TTC7B: variants seen among roughly 807,000 people sequenced by gnomAD.
TTC7B encodes the protein tetratricopeptide repeat domain 7B.
TTC7B carries 28 observed loss-of-function variants against 106.8 expected under a neutral mutation model. That is an observed-to-expected ratio of 0.26 (90% CI 0.19 to 0.36). The LOEUF is 0.36. Ranked by LOEUF, TTC7B falls within the 10% of genes least tolerant of loss-of-function variation. The pLI, the probability that TTC7B is intolerant of heterozygous loss-of-function variation, is 1.00. For synonymous variants in TTC7B, 405 were observed against 430.6 expected (o/e 0.94, Z 0.74); for missense variants, 862 against 1,076.4 (o/e 0.80, Z 2.79).
rs1177435911 is a variant in TTC7B at position 90,694,679 on chromosome 14, T to TTTTATTTTATTATAAAA, written c.777+804_777+820dup. ...ATATTTATTATAAATATATGTATATTTTTATTTTATTATAAAATATATTTT... is the reference window on the plus strand; with the variant it reads ...ATATTTATTATAAATATATGTATATTTTTATTTTATTATAAAATTTATTTTATTATAAAATATATTTT... On this transcript the variant is annotated intron_variant, in intron 6 of 19. Transcript: ENST00000328459. Among the ~76,000 whole-genome samples, 3 of 135,002 alleles carry TTTTATTTTATTATAAAA rather than the reference T, an allele frequency of 2.2e-5. No homozygotes were observed. In the East Asian group the frequency reaches 6.6e-4, roughly 30 times the overall value. 88.6% of individuals were successfully genotyped at this position (135,002 alleles called of 152,430 possible).
intron 5 of TTC7B, among the ~76,000 whole-genome samples, chr14:90,702,813 T>C (rs1237906449): frequency 6.6e-6 from 1 of 152,156 alleles, no homozygotes; most frequent in East Asian, 1.9e-4. Context: ...TGGGAAATGA[T>C]GTGACATCTC....
At chr14:90,764,757 G>C (rs1008871712) in intron 3 of TTC7B, among the ~76,000 whole-genome samples, 1 of 152,090 alleles carries the variant, frequency 6.6e-6, no homozygotes, top group African/African-American at 2.4e-5. Flanking sequence ...AAACCACAAT[G>C]AGATACCATT....
intron 3 of TTC7B, among the ~76,000 whole-genome samples, chr14:90,756,454 C>T (rs749842974): frequency 6.8e-6 from 1 of 147,626 alleles, no homozygotes; most frequent in African/African-American, 2.5e-5. Context: ...AGTGCAATGG[C>T]GCGATCTCGG....
intron 5 of TTC7B, among the ~76,000 whole-genome samples, chr14:90,701,796 GTA>G (rs138397501): frequency 0.31 from 36,802 of 118,378 alleles, 4,667 homozygotes; most frequent in Middle Eastern, 0.39. Context: ...GTGTGTGTGT[GTA>G]TATATATATA....
chr14:90,742,772 C>T lies in TTC7B; in HGVS notation c.576+2020G>A, dbSNP rs1889819179. Among the ~76,000 whole-genome samples, 1 of 152,214 alleles carries T rather than the reference C, an allele frequency of 6.6e-6. No individual in the cohort carries two copies. Among genetic ancestry groups the T allele is most frequent in the Admixed American group, 6.5e-5 (1 of 15,290 alleles). ...CCTCCTTGATGTTCCTGCTGAAGAA[C>T]CCAGCACTGAATGGGGTGTTGTGAG... On this transcript the variant is annotated intron_variant, in intron 4 of 19. Coordinates refer to ENST00000328459, the MANE Select transcript of TTC7B (RefSeq NM_001010854.2). This position sits in a 1 kb window ranked among gnomAD's most constrained non-coding sequence, Gnocchi z 4.1.
intron 19 of TTC7B, among the ~76,000 whole-genome samples, chr14:90,556,918 G>A (rs75341254): frequency 4.6e-5 from 7 of 152,296 alleles, no homozygotes; most frequent in Non-Finnish European, 7.4e-5. Context: ...CAGGGAACGG[G>A]GGGGACATGG....
At position 90,608,486 on chromosome 14, in the gene TTC7B, C is replaced by G. The variant is rs1892742060; in HGVS notation, c.1966+2256G>C. ...GGCAGTGCCTGGGAGGCTGTGGCTT[C>G]CCTGTTGTTGAGGAAGGGCATAGGA... On this transcript the variant is annotated intron_variant, in intron 17 of 19. Coordinates refer to ENST00000328459, the MANE Select transcript of TTC7B (RefSeq NM_001010854.2). The surrounding 1 kb of genome is among the most constrained non-coding windows in gnomAD (Gnocchi z 5.1). 6.6e-6 allele frequency among the ~76,000 whole-genome samples: 1 copy of G among 152,144 alleles called. No individual in the cohort carries two copies. The highest frequency in any genetic ancestry group is 2.4e-5 in the African/African-American group (1 of 41,406).
In TTC7B at chr14:90,558,788, C is replaced by A. The variant is rs145423047; in HGVS notation, c.2311-17199G>T. Among the ~76,000 whole-genome samples, 16 of 152,322 alleles carry A rather than the reference C, an allele frequency of 1.1e-4. No individual in the cohort carries two copies. In the South Asian group the frequency reaches 3.3e-3, roughly 32 times the overall value. ...CACTGGTTAGCAAGGAAAACAGAAA[C>A]GGGCGGCTTGCCAGAAATGGGGACC... On this transcript the variant is annotated intron_variant, in intron 19 of 19. Transcript: ENST00000328459.
intron 9 of TTC7B, among the ~76,000 whole-genome samples, chr14:90,660,294 G>A (rs1886136951): frequency 6.7e-6 from 1 of 150,340 alleles, no homozygotes; most frequent in Admixed American, 6.6e-5. Flanking sequence ...GGAGGCTGAG[G>A]AGGGAGAATA....
At chr14:90,658,216 T>C in intron 10 of TTC7B, 88 bp downstream of exon 10, 2 of 1,135,654 alleles carry the variant, frequency 1.8e-6, no homozygotes. Context: ...TTCCACAAAG[T>C]CTATCATTCC....
chr14:90,608,454 C>T lies in TTC7B; in HGVS notation c.1966+2288G>A, dbSNP rs773133627. Among the ~76,000 whole-genome samples the T allele has an allele frequency of 3.3e-5, 5 of 152,086 alleles. No homozygotes were observed. The highest frequency in any genetic ancestry group is 1.9e-4 in the East Asian group (1 of 5,192). On this transcript the variant is annotated intron_variant, in intron 17 of 19. Transcript: ENST00000328459. This position sits in a 1 kb window ranked among gnomAD's most constrained non-coding sequence, Gnocchi z 5.1. The stretch of plus-strand genomic sequence containing the variant: ...CGCGTGGATGACTCAACAATGAAAC[C>T]GTCTGTGGCAGTGCCTGGGAGGCTG...
In TTC7B at chr14:90,630,290, T is replaced by C. The variant is rs144057671; in HGVS notation, c.1752-12245A>G. Among the ~76,000 whole-genome samples the C allele has an allele frequency of 6.6e-3, 1,010 of 152,216 alleles. 13 individuals carry two copies. Among genetic ancestry groups the C allele is most frequent in the African/African-American group, 0.023 (944 of 41,530 alleles). ...AAGCCTCACAGAAAGAGGACATCCA[T>C]GCGCGTGGGGTGCTGGGAGGCTGCT... On this transcript the variant is annotated intron_variant, in intron 15 of 19. Transcript: ENST00000328459.
chr14:90,543,052 A>G (rs1319968333), intron 19 of TTC7B, among the ~76,000 whole-genome samples: 2 of 152,090 alleles, frequency 1.3e-5, no homozygotes, highest in African/African-American at 2.4e-5. Context: ...GTTGAAATCT[A>G]TATTTCTTTA....
intron 19 of TTC7B, among the ~76,000 whole-genome samples, chr14:90,564,782 G>A (rs1890721196): frequency 6.6e-6 from 1 of 152,128 alleles, no homozygotes; most frequent in Admixed American, 6.5e-5. Context: ...GTGGTGATAC[G>A]TGCCTATAGC....
Position 90,590,008 on chromosome 14 carries a change from G to T in TTC7B, c.2107+3478C>A, listed in dbSNP as rs549609522. Among the ~76,000 whole-genome samples the T allele has an allele frequency of 2.6e-5, 4 of 152,316 alleles. No individual in the cohort carries two copies. In the South Asian group the frequency reaches 8.3e-4, roughly 32 times the overall value. ...TGACCTACCAGGTGGCACATTCAGG[G>T]GGTGGTGGGGGACAAAGTACAGCAT... On this transcript the variant is annotated intron_variant, in intron 18 of 19. Transcript: ENST00000328459.
At chr14:90,613,483 T>C (rs1291385021) in intron 16 of TTC7B, among the ~76,000 whole-genome samples, 1 of 152,196 alleles carries the variant, frequency 6.6e-6, no homozygotes, top group Admixed American at 6.5e-5. Context: ...ATTTACATGG[T>C]ATAGAGTCTT....
In TTC7B at chr14:90,644,082, C is replaced by A; in HGVS notation, c.1717G>T (p.Asp573Tyr). ...KHYHDALNII[D>Y]MALSEYPENF... ...TCTGGGTATTCACTCAGGGCCATGT[C>A]GATGATGTTCAGAGCGTCATGGTAA... Residue 573 changes from aspartate to tyrosine, a missense_variant, in exon 15 of 20, where the codon GAC becomes TAC. Physicochemically the swap from Asp to Tyr is radical, Grantham distance 160. Transcript: ENST00000328459. 2.5e-6 allele frequency: 4 copies of A among 1,613,986 alleles called. No homozygotes were observed. The highest frequency in any genetic ancestry group is 3.4e-6 in the Non-Finnish European group (4 of 1,180,002).
chr14:90,714,486 C>T (rs1396020759), intron 5 of TTC7B, among the ~76,000 whole-genome samples: 1 of 149,158 alleles, frequency 6.7e-6, no homozygotes, highest in African/African-American at 2.5e-5. Flanking sequence ...GAGATAGTCT[C>T]ACTCTTGTCG....
chr14:90,774,174 C>G (rs1229332409), intron 3 of TTC7B, among the ~76,000 whole-genome samples: 1 of 152,056 alleles, frequency 6.6e-6, no homozygotes, highest in Non-Finnish European at 1.5e-5. Context: ...AGAACCCGAC[C>G]GAGATGTCTG....
Sources: gnomAD v4.1 joint callset for allele counts (sites outside exome capture counted in the v4.1 genomes callset) on GRCh38, gnomAD v4.1.1 for gene constraint, Gnocchi (gnomAD v3.1) non-coding constraint, MANE v1.5 for transcripts, NCBI Gene and HGNC (gene_info 2026-07-23, HGNC 2026-07-21) for gene names.